The following ABAT variants were observed in gnomAD, a reference collection of about 807,000 sequenced individuals.
ABAT encodes 4-aminobutyrate aminotransferase.
In ABAT, 45 loss-of-function variants were observed where a neutral mutation model predicts 64.6. The observed-to-expected ratio is 0.70, with a 90% confidence interval of 0.55 to 0.89. The LOEUF (loss-of-function observed/expected upper bound fraction) is 0.89, where lower values mean the gene tolerates loss of function less well. Ranked by LOEUF, ABAT falls within the 40% of genes least tolerant of loss-of-function variation. The pLI is 0.00. For synonymous variants in ABAT, 297 were observed against 250.5 expected (o/e 1.19, Z -1.75); for missense variants, 633 against 658.4 (o/e 0.96, Z 0.42).
At chr16:8,765,804 T>A (rs913384990) in intron 8 of ABAT, 1 of 155,282 alleles carries the variant, frequency 6.4e-6, no homozygotes, top group African/African-American at 2.4e-5. Flanking sequence ...TATTCTAAAT[T>A]GCAGAGACAG....
intron 1 of ABAT, among the ~76,000 whole-genome samples, chr16:8,703,925 A>T (rs1177470388): frequency 1.3e-5 from 2 of 152,244 alleles, no homozygotes; most frequent in African/African-American, 2.4e-5. Flanking sequence ...AGCTTTATTT[A>T]AAAAAGCAGG....
chr16:8,752,675 G>A (rs1419245549), intron 5 of ABAT, among the ~76,000 whole-genome samples: 2 of 152,118 alleles, frequency 1.3e-5, no homozygotes, highest in African/African-American at 4.8e-5. Context: ...GCTCAGTCAG[G>A]AGGATCTCTG....
chr16:8,675,057 C>G (rs2057164133), intron 1 of ABAT, among the ~76,000 whole-genome samples: 1 of 152,126 alleles, frequency 6.6e-6, no homozygotes, highest in Admixed American at 6.5e-5. Flanking sequence ...CTTCCCCATC[C>G]TTAGAAAACT....
chr16:8,781,142 G>A lies in ABAT; in HGVS notation c.1382-167G>A, dbSNP rs2060424396. ...GGGAGAGAGAAAGGAAATGAAGACT[G>A]GATGGGTGGGTGGTAGGAAGGAAGC... On this transcript the variant is annotated intron_variant, in intron 15 of 15. Transcript: ENST00000268251. The surrounding 1 kb of genome is among the most constrained non-coding windows in gnomAD (Gnocchi z 4.5). 2 of 956,062 alleles carry A rather than the reference G, an allele frequency of 2.1e-6. No homozygotes were observed. The highest frequency in any genetic ancestry group is 1.6e-5 in the African/African-American group (1 of 62,386). The allele number at this position is 956,062 out of a possible 1,614,324, so 59.2% of individuals were successfully genotyped here.
chr16:8,773,256 A>C (rs914001408), intron 12 of ABAT, among the ~76,000 whole-genome samples: 1 of 151,766 alleles, frequency 6.6e-6, no homozygotes, highest in Non-Finnish European at 1.5e-5. Flanking sequence ...GGTTCAAGTG[A>C]TTCTCCTACC....
intron 4 of ABAT, 107 bp from the exon 5 acceptor site, chr16:8,750,315 C>A: frequency 1.0e-6 from 1 of 997,686 alleles, no homozygotes; most frequent in Non-Finnish European, 1.6e-6. Flanking sequence ...TCTGTGTGTC[C>A]ACAGATAGTC....
chr16:8,769,014 C>T, intron 11 of ABAT, 41 bp downstream of exon 11: 2 of 1,613,386 alleles, frequency 1.2e-6, no homozygotes, highest in Non-Finnish European at 1.7e-6. Flanking sequence ...ACCACCAGTC[C>T]TGTTGCTCTT....
At chr16:8,707,293 C>G (rs1295097997) in intron 1 of ABAT, among the ~76,000 whole-genome samples, 2 of 151,814 alleles carry the variant, frequency 1.3e-5, no homozygotes, top group African/African-American at 2.4e-5. Flanking sequence ...CTCAAGCCAT[C>G]CTCCCACCTC....
rs1413746094 is a variant in ABAT, at chr16:8,782,958, T to C, written c.*1528T>C. ...GGGTTTTTTTTTTTAGCTTCCACTCTTCCGCAGACTTGGTCATCGACCTAT... is the reference window on the plus strand; with the variant it reads ...GGGTTTTTTTTTTTAGCTTCCACTCCTCCGCAGACTTGGTCATCGACCTAT... On this transcript the variant is annotated 3_prime_UTR_variant, in exon 16 of 16. Coordinates refer to ENST00000268251, the MANE Select transcript of ABAT (RefSeq NM_020686.6). 1 of 152,180 alleles carries C rather than the reference T, an allele frequency of 6.6e-6. No individual in the cohort carries two copies. Among genetic ancestry groups the C allele is most frequent in the African/African-American group, 2.4e-5 (1 of 41,448 alleles). The allele number at this position is 152,180 out of a possible 1,614,324, so 9.4% of individuals were successfully genotyped here.
At chr16:8,734,793 G>A (rs557234345) in intron 1 of ABAT, among the ~76,000 whole-genome samples, 19 of 152,118 alleles carry the variant, frequency 1.2e-4, no homozygotes, top group Non-Finnish European at 2.4e-4. Context: ...AAGATGTACA[G>A]ACAGAAGGAG....
intron 2 of ABAT, among the ~76,000 whole-genome samples, chr16:8,745,659 A>G (rs1031210343): frequency 2.6e-5 from 4 of 152,078 alleles, no homozygotes; most frequent in African/African-American, 9.6e-5. Context: ...GTTGGGGCCA[A>G]TGCACTCCAG....
chr16:8,766,292 C>T (rs780824667), intron 9 of ABAT, 22 bp downstream of exon 9: 6 of 1,611,316 alleles, frequency 3.7e-6, no homozygotes, highest in South Asian at 1.1e-5. Context: ...TGGGCTTGCA[C>T]CACGTACATC....
chr16:8,770,967 CTG>C (rs969391264), intron 11 of ABAT, among the ~76,000 whole-genome samples: 2 of 152,122 alleles, frequency 1.3e-5, no homozygotes, highest in African/African-American at 4.8e-5. Flanking sequence ...TTTTGAAACA[CTG>C]TGTGTATTTT....
chr16:8,775,240 C>A (rs2060231967), intron 13 of ABAT, among the ~76,000 whole-genome samples, 183 bp downstream of exon 13: 1 of 149,254 alleles, frequency 6.7e-6, no homozygotes, highest in Non-Finnish European at 1.5e-5. Context: ...CTCTGTAAGG[C>A]CAACTCTGGA....
Position 8,676,282 on chromosome 16 carries a change from A to G in ABAT, c.-42+1571A>G, listed in dbSNP as rs180913750. Among the ~76,000 whole-genome samples, 126 of 152,212 alleles carry G rather than the reference A, an allele frequency of 8.3e-4. 3 individuals are homozygous for G. The highest frequency in any genetic ancestry group is 5.9e-5 in the Non-Finnish European group (4 of 68,016). Reference sequence around the variant, plus strand: ...TGGCCCCTTCATTTGACAGTTAAACACACAGAGGCACAAAAGGGGAAGAGA... The same window carrying G: ...TGGCCCCTTCATTTGACAGTTAAACGCACAGAGGCACAAAAGGGGAAGAGA... On this transcript the variant is annotated intron_variant, in intron 1 of 15. Coordinates refer to ENST00000268251, the MANE Select transcript of ABAT (RefSeq NM_020686.6).
intron 2 of ABAT, among the ~76,000 whole-genome samples, chr16:8,742,263 A>T (rs1298082573): frequency 6.6e-6 from 1 of 152,186 alleles, no homozygotes; most frequent in East Asian, 1.9e-4. Flanking sequence ...GGATCCATTC[A>T]GCCGCAGCTC....
At chr16:8,684,492 G>C (rs144179690) in intron 1 of ABAT, among the ~76,000 whole-genome samples, 2,845 of 152,220 alleles carry the variant, frequency 0.019, 91 homozygotes, top group African/African-American at 0.065. Context: ...AAGATTACTT[G>C]AGCCCAGGAG....
Position 8,746,020 on chromosome 16 carries a change from A to C in ABAT, c.90A>C (p.Gln30His). ...CTGCAGGATCCAGACACATTAGTCAAGCTGCAGCCAAAGTCGACGTTGAAT... is the reference window on the plus strand; with the variant it reads ...CTGCAGGATCCAGACACATTAGTCACGCTGCAGCCAAAGTCGACGTTGAAT... The part of the protein sequence containing the change: ...LLVPGSRHIS[Q>H]AAAKVDVEFD... The change falls in exon 3 of 16, where the codon CAA becomes CAC. Residue 30 changes from glutamine (Q) to histidine (H), a missense_variant. By Grantham distance (24) the Gln-to-His change is conservative. Transcript: ENST00000268251. The C allele has an allele frequency of 6.2e-7, 1 of 1,613,916 alleles. No homozygotes were observed. Among genetic ancestry groups the C allele is most frequent in the South Asian group, 1.1e-5 (1 of 91,074 alleles).
intron 1 of ABAT, among the ~76,000 whole-genome samples, chr16:8,696,475 T>C (rs2057704916): frequency 6.6e-6 from 1 of 151,988 alleles, no homozygotes; most frequent in East Asian, 1.9e-4. Flanking sequence ...ATACAAAAAT[T>C]AGCCGTGGGT....
Sources: allele counts gnomAD v4.1 joint callset (sites outside exome capture counted in the v4.1 genomes callset), GRCh38; gene constraint gnomAD v4.1.1; non-coding constraint Gnocchi (gnomAD v3.1); transcripts MANE v1.5; gene names NCBI Gene and HGNC (gene_info 2026-07-23, HGNC 2026-07-21).